SERINC5: variants seen among roughly 807,000 people sequenced by gnomAD.
SERINC5 encodes chromosome 5 open reading frame 12.
In SERINC5, 41 loss-of-function variants were observed where a neutral mutation model predicts 63.1. That is an observed-to-expected ratio of 0.65 (90% CI 0.51 to 0.84). The LOEUF is 0.84. Ranked by LOEUF, SERINC5 falls within the 40% of genes least tolerant of loss-of-function variation. The probability of loss-of-function intolerance (pLI) is 0.00; values close to 1 mark genes in which losing one functional copy is unlikely to be tolerated. For synonymous variants in SERINC5, 222 were observed against 215.2 expected, an observed-to-expected ratio of 1.03 and a Z score of -0.28; for missense variants, 523 against 573.0, an observed-to-expected ratio of 0.91 and a Z score of 0.89.
rs35959578 is a variant in SERINC5, at chr5:80,178,052, CA to C, written c.207del (p.Phe69LeufsTer40). The C allele has an allele frequency of 3.1e-6, 5 of 1,592,326 alleles. No individual in the cohort carries two copies. The highest frequency in any genetic ancestry group is 3.7e-5 in the Admixed American group (2 of 54,148). On this transcript the variant is annotated frameshift_variant, in exon 3 of 12. Coordinates refer to ENST00000507668, the MANE Select transcript of SERINC5 (RefSeq NM_001174072.3). LOFTEE classifies it high-confidence loss of function. ...AHKMKEHIPF[F>X]EDMCKGIKAG... The stretch of plus-strand genomic sequence containing the variant: ...GCTTTAATGCCTTTACACATATCTT[CA>C]AAAAAAGGAATCTGAGGAGAAAGTT...
chr5:80,194,045 C>T (rs1003739442), intron 2 of SERINC5, among the ~76,000 whole-genome samples: 1 of 152,168 alleles, frequency 6.6e-6, no homozygotes, highest in African/African-American at 2.4e-5. Context: ...GGTCCCAACC[C>T]ACTTTTAATC....
chr5:80,141,856 G>A lies in SERINC5; in HGVS notation c.*1807C>T, dbSNP rs1745529482. 1 of 985,366 alleles carries A rather than the reference G, an allele frequency of 1.0e-6. No homozygotes were observed. Among genetic ancestry groups the A allele is most frequent in the Non-Finnish European group, 1.2e-6 (1 of 829,856 alleles). The allele number at this position is 985,366 out of a possible 1,614,324, so 61.0% of individuals were successfully genotyped here. Reference sequence around the variant, plus strand: ...GCTCTCTAAACCACACACACAGATGGAGTGCCTTTTGAAACTGAATCTCAA... The same window carrying A: ...GCTCTCTAAACCACACACACAGATGAAGTGCCTTTTGAAACTGAATCTCAA... On this transcript the variant is annotated 3_prime_UTR_variant, in exon 12 of 12. Transcript: ENST00000507668.
rs2112284586 is a variant in SERINC5 at position 80,141,084 on chromosome 5, T to C, written c.*2579A>G. Reference sequence around the variant, plus strand: ...GAATGTTGACTCCTCACCTGAGTATTGTATATCACAATTAATAACCATTAA... The same window carrying C: ...GAATGTTGACTCCTCACCTGAGTATCGTATATCACAATTAATAACCATTAA... On this transcript the variant is annotated 3_prime_UTR_variant, in exon 12 of 12. Coordinates refer to ENST00000507668, the MANE Select transcript of SERINC5 (RefSeq NM_001174072.3). 2.0e-6 allele frequency: 2 copies of C among 985,412 alleles called. No individual in the cohort carries two copies. Among genetic ancestry groups the C allele is most frequent in the South Asian group, 9.4e-5 (2 of 21,292 alleles). The allele number at this position is 985,412 out of a possible 1,614,324, so 61.0% of individuals were successfully genotyped here. A position where few individuals can be genotyped will look rare whatever the true frequency, so the allele number is the denominator to read the frequency against.
At chr5:80,167,290 G>T (rs1371602171) in intron 6 of SERINC5, 2 of 152,018 alleles carry the variant, frequency 1.3e-5, no homozygotes, top group African/African-American at 4.8e-5. Context: ...GTGTCCACAT[G>T]TTCTCATCAT....
chr5:80,153,033 C>A (rs1746286300), intron 8 of SERINC5, among the ~76,000 whole-genome samples: 2 of 152,182 alleles, frequency 1.3e-5, no homozygotes, highest in African/African-American at 2.4e-5. Context: ...TTGATTTGGG[C>A]TCCTTTGCCA....
chr5:80,165,461 T>C (rs1747233472), intron 7 of SERINC5, among the ~76,000 whole-genome samples: 1 of 152,210 alleles, frequency 6.6e-6, no homozygotes, highest in African/African-American at 2.4e-5. Flanking sequence ...TGTATGTATA[T>C]ATGTATGTAT....
chr5:80,254,261 C>T (rs1171917760), intron 1 of SERINC5, among the ~76,000 whole-genome samples: 1 of 152,166 alleles, frequency 6.6e-6, no homozygotes, highest in Non-Finnish European at 1.5e-5. Flanking sequence ...GCCCCATCCA[C>T]AGGAAATCAC....
At chr5:80,227,589 C>T (rs980219105) in intron 1 of SERINC5, among the ~76,000 whole-genome samples, 45 of 145,750 alleles carry the variant, frequency 3.1e-4, no homozygotes, top group African/African-American at 1.1e-3. Flanking sequence ...GGTGAAACCC[C>T]GTCTCTACTA....
intron 2 of SERINC5, among the ~76,000 whole-genome samples, chr5:80,183,821 G>A (rs968331086): frequency 2.6e-5 from 4 of 151,992 alleles, no homozygotes; most frequent in Non-Finnish European, 5.9e-5. Context: ...GACTCAGCCC[G>A]CCTGCACCCA....
chr5:80,203,508 AC>A (rs1449427107), intron 1 of SERINC5, among the ~76,000 whole-genome samples: 1 of 151,914 alleles, frequency 6.6e-6, no homozygotes, highest in Non-Finnish European at 1.5e-5. Context: ...CCCATCTCTT[AC>A]AAAAAATTTT....
chr5:80,151,061 T>C lies in SERINC5; in HGVS notation c.987-113A>G, dbSNP rs1746151884. 6.5e-6 allele frequency: 5 copies of C among 767,798 alleles called. No homozygotes were observed. In the South Asian group the frequency reaches 7.0e-5, roughly 11 times the overall value. The allele number at this position is 767,798 out of a possible 1,614,324, so 47.6% of individuals were successfully genotyped here. ...ACGAGAGCCTCAATGTAACCTACCG[T>C]TCAGGAGACTTAAATCAAAGCAATC... On this transcript the variant is annotated intron_variant, in intron 8 of 11. Coordinates refer to ENST00000507668, the MANE Select transcript of SERINC5 (RefSeq NM_001174072.3).
At chr5:80,204,336 G>A (rs1309735945) in intron 1 of SERINC5, among the ~76,000 whole-genome samples, 1 of 152,160 alleles carries the variant, frequency 6.6e-6, no homozygotes, top group Non-Finnish European at 1.5e-5. Flanking sequence ...TAACCTGTGA[G>A]GTCTGTGCGA....
intron 11 of SERINC5, chr5:80,129,248 C>T (rs1248936039): frequency 6.6e-6 from 1 of 152,192 alleles, no homozygotes; most frequent in Non-Finnish European, 1.5e-5. Context: ...CACACGAGTA[C>T]GTTTATGCAT....
chr5:80,187,130 C>A (rs1396020157), intron 2 of SERINC5, among the ~76,000 whole-genome samples: 2 of 152,022 alleles, frequency 1.3e-5, no homozygotes, highest in Non-Finnish European at 2.9e-5. Context: ...CACGCCACTG[C>A]ACTCCAGCTT....
intron 8 of SERINC5, among the ~76,000 whole-genome samples, chr5:80,152,712 G>T (rs953777505): frequency 6.6e-6 from 1 of 151,846 alleles, no homozygotes; most frequent in Non-Finnish European, 1.5e-5. Flanking sequence ...AGGCCAAGGC[G>T]GGTGGATCCC....
chr5:80,178,448 G>T (rs1490888889), intron 2 of SERINC5, among the ~76,000 whole-genome samples: 1 of 137,682 alleles, frequency 7.3e-6, no homozygotes. Flanking sequence ...CTGCAGCCTC[G>T]ATCTTCCAGG....
rs73125965 is a variant in SERINC5 at position 80,150,732 on chromosome 5, G to A, written c.1053+150C>T. On this transcript the variant is annotated intron_variant, in intron 9 of 11. Transcript: ENST00000507668. ...ATTACAGGCGTGAGCCACCACACCCGGCCAGCATTTATTTTTCTATACAAA... is the reference window on the plus strand; with the variant it reads ...ATTACAGGCGTGAGCCACCACACCCAGCCAGCATTTATTTTTCTATACAAA... 10,295 of 650,526 alleles carry A rather than the reference G, an allele frequency of 0.016. 795 individuals carry two copies. The African/African-American group carries it at 0.16, about 10-fold the overall frequency. 40.3% of individuals were successfully genotyped at this position (650,526 alleles called of 1,614,324 possible). A position where few individuals can be genotyped will look rare whatever the true frequency, so the allele number is the denominator to read the frequency against.
At chr5:80,117,225 A>G (rs1489591123) in intron 11 of SERINC5, among the ~76,000 whole-genome samples, 2 of 152,074 alleles carry the variant, frequency 1.3e-5, no homozygotes, top group African/African-American at 4.8e-5. Context: ...AGTAAGACAC[A>G]CTTGAGTTCT....
At chr5:80,203,686 G>A (rs1338486215) in intron 1 of SERINC5, among the ~76,000 whole-genome samples, 1 of 152,082 alleles carries the variant, frequency 6.6e-6, no homozygotes, top group Non-Finnish European at 1.5e-5. Context: ...CAAAAATTTG[G>A]TCTGGTGCAA....
Sources: allele counts gnomAD v4.1 joint callset (sites outside exome capture counted in the v4.1 genomes callset), GRCh38; gene constraint gnomAD v4.1.1; transcripts MANE v1.5; gene names NCBI Gene and HGNC (gene_info 2026-07-23, HGNC 2026-07-21).